Variants in CD109 observed in about 807,000 individuals in gnomAD.
The protein encoded by CD109 is CD109 molecule, also known as CD109 antigen.
Under a neutral mutation model 165.8 loss-of-function variants are expected in CD109, and 149 were observed. The ratio of observed to expected loss-of-function variants is 0.90; its 90% CI spans 0.79 to 1.03. The LOEUF is 1.03. Among genes scored for constraint, CD109 ranks in the 50% least tolerant of loss-of-function variants. The probability of loss-of-function intolerance (pLI) is 0.00; values close to 1 mark genes in which losing one functional copy is unlikely to be tolerated. For synonymous variants in CD109, 585 were observed against 592.1 expected (o/e 0.99, Z 0.18); for missense variants, 1,712 against 1,677.8 (o/e 1.02, Z -0.36).
intron 5 of CD109, among the ~76,000 whole-genome samples, chr6:73,748,085 GT>G (rs1773048950): frequency 6.6e-6 from 1 of 151,982 alleles, no homozygotes; most frequent in Non-Finnish European, 1.5e-5. Flanking sequence ...GCCCAGGCTG[GT>G]CTCTAACTCC....
chr6:73,691,521 T>C (rs1480325712), upstream of CD109, among the ~76,000 whole-genome samples: 1 of 152,196 alleles, frequency 6.6e-6, no homozygotes, highest in African/African-American at 2.4e-5. Context: ...TTTTTCTGAA[T>C]TGTGGGCCAA....
chr6:73,817,102 C>T (rs1028999137), intron 30 of CD109, among the ~76,000 whole-genome samples: 11 of 152,252 alleles, frequency 7.2e-5, no homozygotes, highest in African/African-American at 2.6e-4. Flanking sequence ...TGTATTTTTT[C>T]AGCAGCACAT....
chr6:73,766,792 G>C lies in CD109; in HGVS notation c.1366G>C (p.Val456Leu). ...YFLGSKSSMA[V>L]HSLFKSPSKT... ...CCTTGGTAGTAAAAGTAGCATGGCAGTTCATAGTCTGTTTAAGTCTCCTAG... is the reference window on the plus strand; with the variant it reads ...CCTTGGTAGTAAAAGTAGCATGGCACTTCATAGTCTGTTTAAGTCTCCTAG... The change falls in exon 12 of 33, where the codon GTT becomes CTT. Residue 456 changes from valine to leucine, a missense_variant. Physicochemically the swap from Val to Leu is conservative, Grantham distance 32. Transcript: ENST00000287097. 1 of 1,612,924 alleles carries C rather than the reference G, an allele frequency of 6.2e-7. No individual in the cohort carries two copies. Among genetic ancestry groups the C allele is most frequent in the South Asian group, 1.1e-5 (1 of 91,016 alleles).
At chr6:73,816,880 A>G (rs1775955573) in intron 30 of CD109, among the ~76,000 whole-genome samples, 3 of 152,210 alleles carry the variant, frequency 2.0e-5, no homozygotes, top group African/African-American at 7.2e-5. Context: ...CAGACTGTGA[A>G]GAGGCCTCAG....
chr6:73,689,081 T>A, the CD109 span, among the ~76,000 whole-genome samples: 1 of 152,344 alleles, frequency 6.6e-6, no homozygotes, highest in Non-Finnish European at 1.5e-5. Context: ...CTTCTGTTAA[T>A]TAATTAATTA....
chr6:73,731,067 A>T (rs1483304750), intron 4 of CD109, among the ~76,000 whole-genome samples: 1 of 149,890 alleles, frequency 6.7e-6, no homozygotes, highest in Non-Finnish European at 1.5e-5. Context: ...TTTTTTTGAG[A>T]TGGAGTTTCA....
intron 23 of CD109, among the ~76,000 whole-genome samples, chr6:73,793,661 G>T (rs531961759): frequency 6.6e-6 from 1 of 152,210 alleles, no homozygotes; most frequent in East Asian, 1.9e-4. Flanking sequence ...TGTGAGACAC[G>T]TTTGATGTTA....
At chr6:73,763,903 A>T (rs1359403247) in intron 10 of CD109, among the ~76,000 whole-genome samples, 1 of 152,154 alleles carries the variant, frequency 6.6e-6, no homozygotes, top group African/African-American at 2.4e-5. Flanking sequence ...ATTTTTTGAA[A>T]ATGTATTTTT....
intron 2 of CD109, among the ~76,000 whole-genome samples, chr6:73,717,154 A>T (rs1011775548): frequency 1.0e-4 from 15 of 150,514 alleles, no homozygotes; most frequent in African/African-American, 3.7e-4. Context: ...TTTTATGCCA[A>T]TATCATACTG....
chr6:73,802,303 ATAT>A (rs1421980333), intron 23 of CD109, among the ~76,000 whole-genome samples: 3 of 80,610 alleles, frequency 3.7e-5, no homozygotes, highest in African/African-American at 1.6e-4. Context: ...ATATATATAT[ATAT>A]TTTTTTTTTT....
At chr6:73,745,425 G>A (rs61464868) in intron 5 of CD109, among the ~76,000 whole-genome samples, 6,705 of 152,148 alleles carry the variant, frequency 0.044, 520 homozygotes, top group African/African-American at 0.15. Context: ...GTTTTAATAT[G>A]GCCTCCTTTT....
At chr6:73,714,839 A>C (rs1033214922) in intron 2 of CD109, among the ~76,000 whole-genome samples, 8 of 152,240 alleles carry the variant, frequency 5.3e-5, no homozygotes, top group African/African-American at 1.9e-4. Context: ...AGGAGAGAAA[A>C]GAGTTCAAGA....
At chr6:73,735,148 G>T (rs997148518) in intron 4 of CD109, among the ~76,000 whole-genome samples, 26 of 152,188 alleles carry the variant, frequency 1.7e-4, no homozygotes, top group African/African-American at 6.0e-4. Flanking sequence ...GATGAGCCTA[G>T]AAATGTAGAT....
chr6:73,679,475 C>A, the CD109 span, among the ~76,000 whole-genome samples: 1 of 150,962 alleles, frequency 6.6e-6, no homozygotes, highest in African/African-American at 2.4e-5. Flanking sequence ...ATCCTGTACC[C>A]TTGGATAATT....
Position 73,762,420 on chromosome 6 carries a change from G to A in CD109, c.795G>A (p.Thr265=), listed in dbSNP as rs542993766. 86 of 1,611,974 alleles carry A rather than the reference G, an allele frequency of 5.3e-5. No homozygotes were observed. The South Asian group carries it at 7.3e-4, about 14-fold the overall frequency. ...TYGKPVKGDV[T]LTFLPLSFWG... is the part of the protein sequence containing the mutation. ...GGAAGCCAGTGAAAGGAGACGTAACGCTTACATTTTTACCTTTATCCTTTT... is the reference window on the plus strand; with the variant it reads ...GGAAGCCAGTGAAAGGAGACGTAACACTTACATTTTTACCTTTATCCTTTT... The change falls in exon 8 of 33, where the codon ACG becomes ACA. Residue 265 remains threonine, a synonymous_variant. Coordinates refer to ENST00000287097, the MANE Select transcript of CD109 (RefSeq NM_133493.5).
intron 20 of CD109, 48 bp downstream of exon 20, chr6:73,785,525 C>T (rs764130023): frequency 1.1e-5 from 12 of 1,098,852 alleles, no homozygotes; most frequent in East Asian, 4.9e-5. Context: ...AGGAGAAAAT[C>T]GAGGTAGCAT....
intron 9 of CD109, 55 bp downstream of exon 9, chr6:73,762,937 C>G: frequency 6.9e-7 from 1 of 1,451,846 alleles, no homozygotes; most frequent in East Asian, 2.4e-5. Context: ...GCTTTATCAT[C>G]TTTCTTATTA....
chr6:73,729,139 C>G (rs1265637830), intron 3 of CD109, among the ~76,000 whole-genome samples: 2 of 152,152 alleles, frequency 1.3e-5, no homozygotes, highest in Non-Finnish European at 2.9e-5. Context: ...GTGTCCTTAC[C>G]ACACCACTCT....
intron 2 of CD109, among the ~76,000 whole-genome samples, chr6:73,719,471 A>G (rs1771865306): frequency 6.6e-6 from 1 of 152,190 alleles, no homozygotes; most frequent in Admixed American, 6.5e-5. Flanking sequence ...GTGGTAAGGA[A>G]TAACTCTTTC....
Sources: gnomAD v4.1 joint callset for allele counts (sites outside exome capture counted in the v4.1 genomes callset) on GRCh38, gnomAD v4.1.1 for gene constraint, MANE v1.5 for transcripts, NCBI Gene and HGNC (gene_info 2026-07-23, HGNC 2026-07-21) for gene names.